Variants in BTD observed in about 807,000 individuals in gnomAD.
BTD encodes biotinidase, also known as biocytinase.
A neutral mutation model predicts 17.7 loss-of-function variants in BTD; 13 were observed. That is an observed-to-expected ratio of 0.74 (90% CI 0.48 to 1.17). BTD has a LOEUF of 1.17. BTD is among the 50% of genes most tolerant of loss of function. The pLI is 0.00. For synonymous variants in BTD, 240 were observed against 245.2 expected, an observed-to-expected ratio of 0.98 and a Z score of 0.20; for missense variants, 674 against 650.4, an observed-to-expected ratio of 1.04 and a Z score of -0.39.
intron 3 of BTD, among the ~76,000 whole-genome samples, chr3:15,709,286 C>G (rs2071900980): frequency 6.6e-6 from 1 of 152,138 alleles, no homozygotes; most frequent in African/African-American, 2.4e-5. Flanking sequence ...AGTAGAATCC[C>G]TCACCAAGAA....
chr3:15,608,971 T>A (rs1241143679), intron 1 of BTD, among the ~76,000 whole-genome samples: 2 of 152,192 alleles, frequency 1.3e-5, no homozygotes, highest in African/African-American at 4.8e-5. Context: ...TTTATTGCTT[T>A]GTTTTGATAA....
chr3:15,674,368 G>A (rs988637315), intron 3 of BTD, among the ~76,000 whole-genome samples: 5 of 135,862 alleles, frequency 3.7e-5, no homozygotes, highest in African/African-American at 1.4e-4. Flanking sequence ...GAGGAATCAA[G>A]GATGACTCTA....
intron 4 of BTD, among the ~76,000 whole-genome samples, chr3:15,719,006 C>G (rs541960908): frequency 1.5e-4 from 23 of 152,244 alleles, no homozygotes; most frequent in Admixed American, 4.6e-4. Context: ...CAGTTCAAAC[C>G]TGTAATAAAT....
At chr3:15,664,146 G>A (rs1346275035) in intron 3 of BTD, among the ~76,000 whole-genome samples, 1 of 152,174 alleles carries the variant, frequency 6.6e-6, no homozygotes, top group Non-Finnish European at 1.5e-5. Context: ...CCAGCTGGTT[G>A]ATGGTGTTAA....
intron 3 of BTD, among the ~76,000 whole-genome samples, chr3:15,666,246 T>C (rs1445976700): frequency 6.6e-6 from 1 of 152,216 alleles, no homozygotes; most frequent in African/African-American, 2.4e-5. Context: ...ATTCAGTGTG[T>C]GTCTCAACTT....
chr3:15,603,383 C>T (rs1026237811), intron 1 of BTD, among the ~76,000 whole-genome samples: 5 of 152,182 alleles, frequency 3.3e-5, no homozygotes, highest in African/African-American at 7.2e-5. Context: ...AGTGGCTGGG[C>T]GCAGTGGCTC....
chr3:15,642,226 T>G (rs1250918069), intron 3 of BTD, 169 bp downstream of exon 3: 12 of 1,471,488 alleles, frequency 8.2e-6, no homozygotes, highest in African/African-American at 1.4e-5. Flanking sequence ...CATTAAAGAA[T>G]GTCTGACGTT....
exon 4 of BTD, among the ~76,000 whole-genome samples, chr3:15,712,448 C>T (rs2072434271): frequency 6.6e-6 from 1 of 152,158 alleles, no homozygotes; most frequent in Non-Finnish European, 1.5e-5. Flanking sequence ...TCATTATGGA[C>T]TTTGCTGGGG....
chr3:15,691,535 G>A (rs1348773304), intron 3 of BTD, among the ~76,000 whole-genome samples: 1 of 152,136 alleles, frequency 6.6e-6, no homozygotes, highest in East Asian at 1.9e-4. Flanking sequence ...TGCTGAGCAG[G>A]ACATAAAGAA....
chr3:15,685,082 A>T, intron 3 of BTD: 1 of 741,204 alleles, frequency 1.3e-6, no homozygotes, highest in Non-Finnish European at 2.2e-6. Flanking sequence ...CCTACGTACT[A>T]AGTATTATTA....
intron 1 of BTD, among the ~76,000 whole-genome samples, chr3:15,626,225 G>A (rs1346891872): frequency 1.3e-5 from 2 of 152,146 alleles, no homozygotes; most frequent in Admixed American, 1.3e-4. Context: ...CCACTATTTT[G>A]AGTGTGGTTG....
At chr3:15,719,448 C>G (rs1221933260) in intron 4 of BTD, among the ~76,000 whole-genome samples, 23 of 152,062 alleles carry the variant, frequency 1.5e-4, no homozygotes. Flanking sequence ...AATACAGAAA[C>G]AACTAACGAA....
intron 1 of BTD, among the ~76,000 whole-genome samples, chr3:15,611,590 C>A (rs1169955978): frequency 6.6e-6 from 1 of 151,812 alleles, no homozygotes; most frequent in Non-Finnish European, 1.5e-5. Flanking sequence ...ATAACTATTT[C>A]TTCTATGATT....
At chr3:15,684,625 CCT>C (rs2067897634) in intron 3 of BTD, 1 of 152,116 alleles carries the variant, frequency 6.6e-6, no homozygotes, top group African/African-American at 2.4e-5. Context: ...ATGGCTCATG[CCT>C]GTAATCCTAG....
intron 1 of BTD, among the ~76,000 whole-genome samples, chr3:15,619,289 A>G (rs976427788): frequency 6.6e-5 from 10 of 151,892 alleles, no homozygotes; most frequent in East Asian, 1.9e-4. Flanking sequence ...TTTGACATCT[A>G]TTTTTCTGTG....
chr3:15,672,847 C>T (rs1277320756), intron 3 of BTD, among the ~76,000 whole-genome samples: 1 of 152,236 alleles, frequency 6.6e-6, no homozygotes. Context: ...ATGATCTCGG[C>T]TCACTGCAAC....
chr3:15,689,915 G>T, intron 3 of BTD: 3 of 1,034,486 alleles, frequency 2.9e-6, no homozygotes, highest in Non-Finnish European at 4.1e-6. Flanking sequence ...AAAAAAAAAA[G>T]GTCAAAATTT....
chr3:15,642,169 A>C, intron 3 of BTD, 112 bp downstream of exon 3: 4 of 1,537,212 alleles, frequency 2.6e-6, no homozygotes, highest in Non-Finnish European at 3.5e-6. Context: ...TAACATCCCC[A>C]AAATCCAACC....
At chr3:15,601,930 T>C in intron 1 of BTD, 36 bp downstream of exon 1, 1 of 1,611,514 alleles carries the variant, frequency 6.2e-7, no homozygotes, top group Non-Finnish European at 8.5e-7. Flanking sequence ...GGAGGGGGTG[T>C]GGTAAGGGCG....
Sources: gnomAD v4.1 joint callset for allele counts (sites outside exome capture counted in the v4.1 genomes callset) on GRCh38, gnomAD v4.1.1 for gene constraint, MANE v1.5 for transcripts, NCBI Gene and HGNC (gene_info 2026-07-23, HGNC 2026-07-21) for gene names.